EYA4: variants seen among roughly 807,000 people sequenced by gnomAD.
EYA4 encodes EYA transcriptional coactivator and phosphatase 4, also known as protein phosphatase EYA4.
A neutral mutation model predicts 87.9 loss-of-function variants in EYA4; 31 were observed. That is an observed-to-expected ratio of 0.35 (90% CI 0.27 to 0.48). The LOEUF is 0.48. EYA4 is among the 20% of genes least tolerant of loss of function. The pLI is 0.99. For synonymous variants in EYA4, 263 were observed against 270.6 expected, an observed-to-expected ratio of 0.97 and a Z score of 0.28; for missense variants, 678 against 761.4, an observed-to-expected ratio of 0.89 and a Z score of 1.29.
At chr6:133,383,134 A>G (rs1418764170) in intron 3 of EYA4, among the ~76,000 whole-genome samples, 3 of 152,238 alleles carry the variant, frequency 2.0e-5, no homozygotes, top group Non-Finnish European at 4.4e-5. Context: ...CTATGCTATG[A>G]GTGATATGAC....
intron 5 of EYA4, among the ~76,000 whole-genome samples, chr6:133,451,757 A>G (rs1793464530): frequency 1.3e-5 from 2 of 152,210 alleles, no homozygotes; most frequent in Admixed American, 1.3e-4. Context: ...CATGGAGATT[A>G]AGAAACAACT....
At chr6:133,414,306 A>G (rs905298049) in intron 3 of EYA4, among the ~76,000 whole-genome samples, 1 of 152,190 alleles carries the variant, frequency 6.6e-6, no homozygotes, top group Non-Finnish European at 1.5e-5. Context: ...TCGAAAAAAA[A>G]GGTAACAGTT....
chr6:133,294,061 AT>A (rs1474532027), intron 2 of EYA4, among the ~76,000 whole-genome samples: 13 of 99,774 alleles, frequency 1.3e-4, no homozygotes, highest in African/African-American at 2.7e-4. Flanking sequence ...ATATATATAT[AT>A]AATTCTATTC....
rs552355260 is a variant in EYA4 at position 133,355,443 on chromosome 6, A to G, written c.34-26949A>G. On this transcript the variant is annotated intron_variant, in intron 2 of 19. Transcript: ENST00000355286. ...ATGGAATTAGCCTAAATGCCCATCAATAATAGACTGGATCAAGAAAATGTG... is the reference window on the plus strand; with the variant it reads ...ATGGAATTAGCCTAAATGCCCATCAGTAATAGACTGGATCAAGAAAATGTG... 1.3e-4 allele frequency among the ~76,000 whole-genome samples: 20 copies of G among 152,352 alleles called. No individual in the cohort carries two copies. In the South Asian group the frequency reaches 3.5e-3, roughly 27 times the overall value.
intron 2 of EYA4, among the ~76,000 whole-genome samples, chr6:133,316,750 G>A (rs950334766): frequency 6.6e-6 from 1 of 152,140 alleles, no homozygotes; most frequent in Non-Finnish European, 1.5e-5. Flanking sequence ...CGATTTTGAT[G>A]CATCTGGCAT....
chr6:133,354,349 G>A (rs192466460), intron 2 of EYA4, among the ~76,000 whole-genome samples: 45 of 151,966 alleles, frequency 3.0e-4, no homozygotes, highest in Non-Finnish European at 5.9e-4. Flanking sequence ...TATTATTATT[G>A]GACATCATGG....
At chr6:133,418,172 T>C (rs1789907463) in intron 3 of EYA4, among the ~76,000 whole-genome samples, 1 of 152,188 alleles carries the variant, frequency 6.6e-6, no homozygotes, top group African/African-American at 2.4e-5. Context: ...AGGAGAGCCA[T>C]ATACACTCTA....
In EYA4 at chr6:133,279,001, C is replaced by A. The variant is rs369096697; in HGVS notation, c.33+4188C>A. 2.0e-5 allele frequency among the ~76,000 whole-genome samples: 3 copies of A among 152,046 alleles called. No individual in the cohort carries two copies. The East Asian group carries it at 5.8e-4, about 29-fold the overall frequency. Reference sequence around the variant, plus strand: ...TTTTTGTATTCAAGCAGAGAATGAGCAATATTTATTATTTTTATAGCTTCT... The same window carrying A: ...TTTTTGTATTCAAGCAGAGAATGAGAAATATTTATTATTTTTATAGCTTCT... On this transcript the variant is annotated intron_variant, in intron 2 of 19. Transcript: ENST00000355286.
At chr6:133,349,082 C>T (rs1783435883) in intron 2 of EYA4, among the ~76,000 whole-genome samples, 1 of 152,186 alleles carries the variant, frequency 6.6e-6, no homozygotes, top group African/African-American at 2.4e-5. Flanking sequence ...ACGTATGCAC[C>T]TGCCTCAGGG....
intron 3 of EYA4, among the ~76,000 whole-genome samples, chr6:133,425,713 T>C (rs1176925846): frequency 6.6e-6 from 1 of 150,744 alleles, no homozygotes; most frequent in Non-Finnish European, 1.5e-5. Flanking sequence ...TCTAACTATC[T>C]CTTAGCTCAG....
intron 3 of EYA4, among the ~76,000 whole-genome samples, chr6:133,394,301 T>A (rs981987763): frequency 5.0e-4 from 73 of 144,726 alleles, no homozygotes; most frequent in African/African-American, 1.6e-3. Flanking sequence ...TTTTTTTTTT[T>A]TTTTTTTTTT....
intron 17 of EYA4, among the ~76,000 whole-genome samples, chr6:133,517,665 G>A (rs972587115): frequency 6.6e-6 from 1 of 152,176 alleles, no homozygotes; most frequent in Non-Finnish European, 1.5e-5. Context: ...CGGAGGGGAA[G>A]TAGCTTCCTG....
chr6:133,306,908 T>C (rs1011476995), intron 2 of EYA4, among the ~76,000 whole-genome samples: 2 of 152,186 alleles, frequency 1.3e-5, no homozygotes, highest in East Asian at 3.8e-4. Flanking sequence ...CAAAGCAGGG[T>C]ATGATTTATG....
chr6:133,397,063 C>T (rs994981735), intron 3 of EYA4, among the ~76,000 whole-genome samples: 9 of 152,188 alleles, frequency 5.9e-5, no homozygotes, highest in African/African-American at 2.2e-4. Flanking sequence ...CTTTTAATGG[C>T]CCAGAATGAA....
At chr6:133,393,306 T>A (rs985090798) in intron 3 of EYA4, among the ~76,000 whole-genome samples, 9 of 152,120 alleles carry the variant, frequency 5.9e-5, no homozygotes, top group South Asian at 2.1e-4. Flanking sequence ...AGGTACTATT[T>A]ATTGAGCATC....
intron 13 of EYA4, among the ~76,000 whole-genome samples, chr6:133,501,749 CA>C (rs899150291): frequency 1.3e-4 from 19 of 149,140 alleles, no homozygotes; most frequent in South Asian, 2.2e-4. Flanking sequence ...CTTTAAAAAA[CA>C]AAAAAAAACG....
In EYA4 at chr6:133,530,752, A is replaced by C; in HGVS notation, c.*1947A>C. The C allele has an allele frequency of 1.0e-6, 1 of 986,358 alleles. No individual in the cohort carries two copies. The highest frequency in any genetic ancestry group is 1.2e-6 in the Non-Finnish European group (1 of 830,164). 61.1% of individuals were successfully genotyped at this position (986,358 alleles called of 1,614,324 possible). A position where few individuals can be genotyped will look rare whatever the true frequency, so the allele number is the denominator to read the frequency against. On this transcript the variant is annotated 3_prime_UTR_variant, in exon 20 of 20. Coordinates refer to ENST00000355286, the MANE Select transcript of EYA4 (RefSeq NM_004100.5). ...ATTGTGATTTCATTATCTAAACCTTAAACTTAATCCTTTAAATTTTGTAGC... is the reference window on the plus strand; with the variant it reads ...ATTGTGATTTCATTATCTAAACCTTCAACTTAATCCTTTAAATTTTGTAGC...
intron 3 of EYA4, among the ~76,000 whole-genome samples, chr6:133,418,509 T>G (rs6934520): frequency 0.051 from 7,739 of 152,312 alleles, 579 homozygotes; most frequent in African/African-American, 0.16. Context: ...TCTTTGACAT[T>G]TAACATTTAA....
rs560421986 is a variant in EYA4 at position 133,361,263 on chromosome 6, G to A, written c.34-21129G>A. Among the ~76,000 whole-genome samples the A allele has an allele frequency of 2.6e-5, 4 of 152,290 alleles. No individual in the cohort carries two copies. In the East Asian group the frequency reaches 7.7e-4, roughly 29 times the overall value. ...AGCAGGCATGCTTACTGTCCAGAAT[G>A]ATAATAAAGATAATGTCTTTCTTTG... On this transcript the variant is annotated intron_variant, in intron 2 of 19. Transcript: ENST00000355286.
Sources: gnomAD v4.1 joint callset for allele counts (sites outside exome capture counted in the v4.1 genomes callset) on GRCh38, gnomAD v4.1.1 for gene constraint, MANE v1.5 for transcripts, NCBI Gene and HGNC (gene_info 2026-07-23, HGNC 2026-07-21) for gene names.